DOCK3: variants seen among roughly 807,000 people sequenced by gnomAD.
The protein encoded by DOCK3 is dedicator of cytokinesis protein 3.
Under a neutral mutation model 265.6 loss-of-function variants are expected in DOCK3, and 60 were observed. The observed-to-expected ratio is 0.23, with a 90% confidence interval of 0.18 to 0.28. DOCK3 has a LOEUF of 0.28. Ranked by LOEUF, DOCK3 falls within the 10% of genes least tolerant of loss-of-function variation. DOCK3 has a pLI of 1.00. For missense variants in DOCK3, 1,981 were observed against 2,594.3 expected (o/e 0.76, Z 5.14); for synonymous variants, 881 against 938.0 (o/e 0.94, Z 1.11).
At chr3:51,041,184 ATATATATATATATATATATATTTTTTTTT>A (rs2080488387) in intron 5 of DOCK3, among the ~76,000 whole-genome samples, 1 of 11,108 alleles carries the variant, frequency 9.0e-5, no homozygotes, top group African/African-American at 5.9e-4. Flanking sequence ...ATATATATAT[ATATATATATATATATATATATTTTTTTTT>A]TTTTTTTTTT....
At chr3:51,149,567 C>T (rs2085476065) in intron 10 of DOCK3, among the ~76,000 whole-genome samples, 1 of 152,202 alleles carries the variant, frequency 6.6e-6, no homozygotes, top group South Asian at 2.1e-4. Context: ...TGAATTTCGT[C>T]AAAGGCCTTT....
At chr3:51,352,909 G>T (rs886379094) in intron 40 of DOCK3, among the ~76,000 whole-genome samples, 7 of 152,268 alleles carry the variant, frequency 4.6e-5, no homozygotes, top group African/African-American at 1.7e-4. Flanking sequence ...TCCCCAGAAG[G>T]CTAGGCTACT....
chr3:50,934,103 G>A, intron 5 of DOCK3, 26 bp downstream of exon 5: 2 of 1,515,816 alleles, frequency 1.3e-6, no homozygotes, highest in African/African-American at 1.4e-5. Flanking sequence ...CTGGTTTATT[G>A]GATCATTAAA....
chr3:50,996,790 G>A (rs1403126334), intron 5 of DOCK3, among the ~76,000 whole-genome samples: 9 of 152,012 alleles, frequency 5.9e-5, no homozygotes, highest in African/African-American at 2.2e-4. Flanking sequence ...AAATGCATAC[G>A]GAATCATTGT....
intron 3 of DOCK3, among the ~76,000 whole-genome samples, chr3:50,847,077 A>AT (rs989161722): frequency 2.7e-5 from 4 of 148,742 alleles, no homozygotes; most frequent in African/African-American, 2.5e-5. Context: ...TGTAATTGCT[A>AT]TTTTTTTTTC....
chr3:50,925,356 A>G (rs762468212), intron 4 of DOCK3, among the ~76,000 whole-genome samples: 9 of 152,232 alleles, frequency 5.9e-5, no homozygotes, highest in Non-Finnish European at 1.0e-4. Context: ...GTCAAAGTCA[A>G]ATAAATGACA....
chr3:51,113,613 G>C (rs1411815183), intron 9 of DOCK3, among the ~76,000 whole-genome samples: 1 of 152,142 alleles, frequency 6.6e-6, no homozygotes, highest in Non-Finnish European at 1.5e-5. Context: ...CTGAGACACT[G>C]CAAGACCCCA....
chr3:50,801,731 G>C (rs1484267921), intron 2 of DOCK3, among the ~76,000 whole-genome samples: 1 of 152,196 alleles, frequency 6.6e-6, no homozygotes. Flanking sequence ...CTGTGGTGCA[G>C]TTTAAATCTG....
At chr3:50,681,547 A>G (rs996168409) in intron 1 of DOCK3, among the ~76,000 whole-genome samples, 24 of 152,190 alleles carry the variant, frequency 1.6e-4, no homozygotes, top group Admixed American at 6.5e-4. Context: ...CAGCTTTTGC[A>G]GGGAGAAGCA....
chr3:50,715,824 C>T (rs1288697168), intron 1 of DOCK3, among the ~76,000 whole-genome samples: 1 of 152,056 alleles, frequency 6.6e-6, no homozygotes, highest in Non-Finnish European at 1.5e-5. Context: ...TTCTGGTTGG[C>T]ATTAGGAGCC....
intron 1 of DOCK3, among the ~76,000 whole-genome samples, chr3:50,759,824 C>T (rs533266002): frequency 1.3e-5 from 2 of 149,556 alleles, no homozygotes; most frequent in East Asian, 3.9e-4. Context: ...TGCCACTGCA[C>T]TCCAGCCTGG....
intron 28 of DOCK3, among the ~76,000 whole-genome samples, chr3:51,310,909 C>T (rs1490948135): frequency 6.6e-6 from 1 of 152,242 alleles, no homozygotes; most frequent in Non-Finnish European, 1.5e-5. Flanking sequence ...TAGCCCATTG[C>T]CTCCTCCCAC....
intron 2 of DOCK3, among the ~76,000 whole-genome samples, chr3:50,797,043 G>T (rs2042829147): frequency 6.6e-6 from 1 of 152,182 alleles, no homozygotes; most frequent in African/African-American, 2.4e-5. Flanking sequence ...TTGTAGTGTG[G>T]TGGCAGCAGG....
intron 14 of DOCK3, among the ~76,000 whole-genome samples, chr3:51,219,755 G>A (rs891925253): frequency 3.3e-5 from 5 of 152,180 alleles, no homozygotes; most frequent in Non-Finnish European, 7.3e-5. Flanking sequence ...TCCTCAAGGG[G>A]AGCAATGACA....
intron 5 of DOCK3, among the ~76,000 whole-genome samples, chr3:50,982,023 A>G (rs1206538275): frequency 1.3e-5 from 2 of 151,666 alleles, no homozygotes; most frequent in African/African-American, 2.4e-5. Flanking sequence ...TAATTTTTGT[A>G]TTTTTAGTAG....
rs9862187 is a variant in DOCK3, at chr3:51,239,702, A to G, written c.2102+2112A>G. Reference sequence around the variant, plus strand: ...TCTTGGGAGAGTGTTTGTGTCCATGAATTTATTTATTTCTTCTAGATTTTT... The same window carrying G: ...TCTTGGGAGAGTGTTTGTGTCCATGGATTTATTTATTTCTTCTAGATTTTT... On this transcript the variant is annotated intron_variant, in intron 21 of 52. Coordinates refer to ENST00000266037, the MANE Select transcript of DOCK3 (RefSeq NM_004947.5). Among the ~76,000 whole-genome samples, 415 of 151,114 alleles carry G rather than the reference A, an allele frequency of 2.7e-3. 1 individual carries two copies. Among genetic ancestry groups the G allele is most frequent in the African/African-American group, 9.7e-3 (397 of 41,102 alleles).
intron 49 of DOCK3, among the ~76,000 whole-genome samples, chr3:51,366,701 T>C: frequency 6.6e-6 from 1 of 152,230 alleles, no homozygotes; most frequent in Non-Finnish European, 1.5e-5. Flanking sequence ...TTTGTTCTCA[T>C]TGGTTTCAAA....
intron 3 of DOCK3, among the ~76,000 whole-genome samples, chr3:50,886,209 T>TATATATAGATATATATATATATA (rs10689032): frequency 7.1e-6 from 1 of 141,766 alleles, no homozygotes; most frequent in Non-Finnish European, 1.6e-5. Context: ...TATATATATA[T>TATATATAGATATATATATATATA]TCCAGAGTTT....
rs1021339203 is a variant in DOCK3, at chr3:50,787,697, C to T, written c.121+8939C>T. On this transcript the variant is annotated intron_variant, in intron 2 of 52. Transcript: ENST00000266037. ...GTAGGGGAAGTGGTAGCTGCAGCAA[C>T]AGAGGCAGCTCTCCTCATTCTTCTT... is the stretch of plus-strand genomic sequence containing the variant. 3.1e-6 allele frequency: 4 copies of T among 1,288,930 alleles called. No homozygotes were observed. In the African/African-American group the frequency reaches 5.9e-5, roughly 19 times the overall value. 79.8% of individuals were successfully genotyped at this position (1,288,930 alleles called of 1,614,324 possible). A position where few individuals can be genotyped will look rare whatever the true frequency, so the allele number is the denominator to read the frequency against.
Sources: allele counts gnomAD v4.1 joint callset (sites outside exome capture counted in the v4.1 genomes callset), GRCh38; gene constraint gnomAD v4.1.1; transcripts MANE v1.5; gene names NCBI Gene and HGNC (gene_info 2026-07-23, HGNC 2026-07-21).